The following SLC26A8 variants were observed in gnomAD, a reference collection of about 807,000 sequenced individuals.
SLC26A8 encodes testis anion transporter 1.
Under a neutral mutation model 105.0 loss-of-function variants are expected in SLC26A8, and 70 were observed. That is an observed-to-expected ratio of 0.67 (90% CI 0.55 to 0.81). SLC26A8 has a LOEUF of 0.81. Among genes scored for constraint, SLC26A8 ranks in the 40% least tolerant of loss-of-function variants. The pLI, the probability that SLC26A8 is intolerant of heterozygous loss-of-function variation, is 0.00. For missense variants in SLC26A8, 998 were observed against 1,181.8 expected (o/e 0.84, Z 2.28); for synonymous variants, 415 against 438.3 (o/e 0.95, Z 0.66).
chr6:35,972,794 G>A (rs1012671674), intron 10 of SLC26A8, among the ~76,000 whole-genome samples: 1 of 152,224 alleles, frequency 6.6e-6, no homozygotes, highest in African/African-American at 2.4e-5. Context: ...CTAAAAATGG[G>A]CTTGCTCAGG....
chr6:35,975,514 G>T, intron 9 of SLC26A8, 26 bp from the exon 10 acceptor site: 1 of 1,457,614 alleles, frequency 6.9e-7, no homozygotes, highest in East Asian at 2.3e-5. Flanking sequence ...AGATGCTTTA[G>T]GCCCCCGTTT....
intron 5 of SLC26A8, among the ~76,000 whole-genome samples, chr6:35,994,222 C>G (rs1265192749): frequency 6.7e-6 from 1 of 148,564 alleles, no homozygotes. Context: ...TCACGCCATT[C>G]TCCTGCCTCA....
chr6:36,006,064 G>A (rs588024), intron 3 of SLC26A8, among the ~76,000 whole-genome samples: 85,295 of 152,000 alleles, frequency 0.56, 24,277 homozygotes, highest in South Asian at 0.71. Flanking sequence ...TTAAACTAAT[G>A]TTCAATCCCT....
At position 36,002,732 on chromosome 6, in the gene SLC26A8, C is replaced by T. The variant is rs138070578; in HGVS notation, c.329-2624G>A. On this transcript the variant is annotated intron_variant, in intron 3 of 19. Coordinates refer to ENST00000490799, the MANE Select transcript of SLC26A8 (RefSeq NM_052961.4). ...CAATCTTTTTTTTTTTTTGAGATGG[C>T]ATCTCTCTCTGTCTCCCAGGCTGGA... Among the ~76,000 whole-genome samples the T allele has an allele frequency of 3.1e-3, 447 of 145,056 alleles. 3 individuals carry two copies. Among genetic ancestry groups the T allele is most frequent in the African/African-American group, 0.011 (438 of 39,176 alleles).
chr6:35,977,409 GC>G, intron 8 of SLC26A8, 58 bp from the exon 9 acceptor site: 9 of 1,536,336 alleles, frequency 5.9e-6, no homozygotes, highest in Non-Finnish European at 7.9e-6. Flanking sequence ...TGGTACCTCC[GC>G]CACTCTATTC....
chr6:35,974,621 C>A (rs1201734202), intron 10 of SLC26A8, among the ~76,000 whole-genome samples: 3 of 152,212 alleles, frequency 2.0e-5, no homozygotes, highest in African/African-American at 7.2e-5. Context: ...AAAATTTTTG[C>A]TTTGCTGCCA....
In SLC26A8 at chr6:35,951,492, T is replaced by G. The variant is rs1771871522; in HGVS notation, c.2240A>C (p.Asn747Thr). 1 of 1,614,116 alleles carries G rather than the reference T, an allele frequency of 6.2e-7. No individual in the cohort carries two copies. Among genetic ancestry groups the G allele is most frequent in the Non-Finnish European group, 8.5e-7 (1 of 1,180,020 alleles). Residue 747 changes from asparagine to threonine, a missense_variant, in exon 18 of 20, where the codon AAT becomes ACT. Transcript: ENST00000490799. The stretch of plus-strand genomic sequence containing the variant: ...CAAAATGTTGGCGTTTTGAAAGGCA[T>G]TGCATATCTGTGGGGGGAGAGAAAA... ...RGLVVLRQICNAFQNANILIL... is the reference protein window; with the variant it reads ...RGLVVLRQICTAFQNANILIL...
At chr6:35,975,564 T>TTG (rs1554164432) in intron 9 of SLC26A8, 76 bp from the exon 10 acceptor site, 1 of 697,610 alleles carries the variant, frequency 1.4e-6, no homozygotes, top group African/African-American at 1.8e-5. Context: ...GGCATATGGT[T>TTG]TTTTTTTTTT....
chr6:35,979,648 C>A lies in SLC26A8; in HGVS notation c.1026-2297G>T, dbSNP rs549396817. ...AGAATGAGGCTGTCCCAAAGAGGTACACAGTAAATGTAATTTACTACCCCA... is the reference window on the plus strand; with the variant it reads ...AGAATGAGGCTGTCCCAAAGAGGTAAACAGTAAATGTAATTTACTACCCCA... On this transcript the variant is annotated intron_variant, in intron 8 of 19. Transcript: ENST00000490799. 9.2e-5 allele frequency among the ~76,000 whole-genome samples: 14 copies of A among 152,194 alleles called. No individual in the cohort carries two copies. The South Asian group carries it at 2.9e-3, about 32-fold the overall frequency.
chr6:35,957,847 C>T (rs1468076744), intron 16 of SLC26A8, among the ~76,000 whole-genome samples: 1 of 152,152 alleles, frequency 6.6e-6, no homozygotes, highest in Non-Finnish European at 1.5e-5. Flanking sequence ...CCCAGGTGAT[C>T]CGCCTGCCTC....
rs571854552 is a variant in SLC26A8, at chr6:36,000,029, G to T, written c.408C>A (p.Ile136=). 6.2e-7 allele frequency: 1 copy of T among 1,613,928 alleles called. No homozygotes were observed. Among genetic ancestry groups the T allele is most frequent in the Non-Finnish European group, 8.5e-7 (1 of 1,179,972 alleles). ...GATGACACGATCCAAAAATTACATA[G>T]ATTACCGAAGAACAGAAAGCTGCAT... ...IAYAAFCSSV[I]YVIFGSCHQM... The change falls in exon 4 of 20, where the codon ATC becomes ATA. Residue 136 remains isoleucine, a synonymous_variant. Transcript: ENST00000490799.
intron 10 of SLC26A8, 80 bp from the exon 11 acceptor site, chr6:35,969,034 G>A (rs1230153381): frequency 2.4e-6 from 3 of 1,242,776 alleles, no homozygotes; most frequent in South Asian, 1.3e-5. Flanking sequence ...TCTGCTTGGT[G>A]AGAAGCATGT....
chr6:35,975,436 C>A lies in SLC26A8; in HGVS notation c.1226G>T (p.Cys409Phe), dbSNP rs1305197771. Residue 409 changes from cysteine to phenylalanine, a missense_variant, in exon 10 of 20, where the codon TGT (cysteine) becomes TTT (phenylalanine). Transcript: ENST00000490799. ...CNVVSSFFRS[C>F]VFTGAIARTI... is the part of the protein sequence containing the mutation. ...CCTAGCAATAGCACCAGTAAACACA[C>A]AAGATCTGAAAAATGAACTGACGAC... is the stretch of plus-strand genomic sequence containing the variant. 1 of 1,613,600 alleles carries A rather than the reference C, an allele frequency of 6.2e-7. No homozygotes were observed. Among genetic ancestry groups the A allele is most frequent in the African/African-American group, 1.3e-5 (1 of 74,902 alleles).
At chr6:36,017,412 A>G (rs1017050109) in intron 2 of SLC26A8, among the ~76,000 whole-genome samples, 1 of 152,128 alleles carries the variant, frequency 6.6e-6, no homozygotes, top group Non-Finnish European at 1.5e-5. Flanking sequence ...CAGGTGGATC[A>G]CCTGAGGTCA....
At chr6:35,957,391 G>T in intron 16 of SLC26A8, among the ~76,000 whole-genome samples, 1 of 151,440 alleles carries the variant, frequency 6.6e-6, no homozygotes. Flanking sequence ...AAAATTTAAA[G>T]CTAAAAACAA....
intron 2 of SLC26A8, among the ~76,000 whole-genome samples, chr6:36,014,583 T>G (rs956035332): frequency 6.6e-6 from 1 of 151,936 alleles, no homozygotes; most frequent in East Asian, 1.9e-4. Context: ...TCATTTACAT[T>G]AAAAAAACTC....
intron 15 of SLC26A8, 54 bp from the exon 16 acceptor site, chr6:35,959,645 A>G (rs1772232280): frequency 1.2e-6 from 2 of 1,608,748 alleles, no homozygotes; most frequent in African/African-American, 1.3e-5. Context: ...CAGAAGGTGA[A>G]AGAGTGGGAG....
chr6:35,951,112 C>A (rs749661914), intron 19 of SLC26A8, 51 bp downstream of exon 19: 12 of 1,553,114 alleles, frequency 7.7e-6, no homozygotes, highest in East Asian at 2.3e-5. Context: ...CCCATCCCCC[C>A]ACTGCCCTCA....
chr6:35,994,654 C>A (rs1024886456), intron 5 of SLC26A8, among the ~76,000 whole-genome samples: 1 of 150,828 alleles, frequency 6.6e-6, no homozygotes, highest in Admixed American at 6.6e-5. Flanking sequence ...TGGCTCACTG[C>A]AACCTGTGCC....
Sources: gnomAD v4.1 joint callset for allele counts (sites outside exome capture counted in the v4.1 genomes callset) on GRCh38, gnomAD v4.1.1 for gene constraint, MANE v1.5 for transcripts, NCBI Gene and HGNC (gene_info 2026-07-23, HGNC 2026-07-21) for gene names.